CHD9: variants seen among roughly 807,000 people sequenced by gnomAD.
CHD9 encodes ATP-dependent chromatin remodeler CHD9.
CHD9 carries 77 observed loss-of-function variants against 316.1 expected under a neutral mutation model. The ratio of observed to expected loss-of-function variants is 0.24; its 90% confidence interval spans 0.20 to 0.29. The LOEUF is 0.29. Among genes scored for constraint, CHD9 ranks in the 10% least tolerant of loss-of-function variants. The pLI is 1.00. For synonymous variants in CHD9, 1,129 were observed against 1,158.3 expected (o/e 0.97, Z 0.51); for missense variants, 2,763 against 3,438.1 (o/e 0.80, Z 4.91).
At chr16:53,195,030 T>C (rs1171405055) in intron 2 of CHD9, among the ~76,000 whole-genome samples, 1 of 152,244 alleles carries the variant, frequency 6.6e-6, no homozygotes, top group African/African-American at 2.4e-5. Context: ...CAAAATGTTC[T>C]TCAGTTTGAG....
At chr16:53,078,097 T>A (rs28837500) in intron 1 of CHD9, among the ~76,000 whole-genome samples, 6,935 of 151,984 alleles carry the variant, frequency 0.046, 169 homozygotes, top group African/African-American at 0.07. Flanking sequence ...GAGAAAAAAA[T>A]ATATATATAC....
chr16:53,116,662 G>T (rs1033883292), intron 1 of CHD9, among the ~76,000 whole-genome samples: 1 of 152,208 alleles, frequency 6.6e-6, no homozygotes, highest in Non-Finnish European at 1.5e-5. Flanking sequence ...GGAAGAGGAT[G>T]TGGTGATTCC....
chr16:53,074,138 T>G (rs1017236446), intron 1 of CHD9, among the ~76,000 whole-genome samples: 2 of 152,194 alleles, frequency 1.3e-5, no homozygotes, highest in Admixed American at 1.3e-4. Context: ...GTGACTCTTC[T>G]TTATGTTTTA....
chr16:53,278,529 G>A (rs531433745), intron 24 of CHD9, among the ~76,000 whole-genome samples: 1 of 152,172 alleles, frequency 6.6e-6, no homozygotes, highest in Non-Finnish European at 1.5e-5. Context: ...TCAACAAATG[G>A]TGCTGGGATA....
chr16:53,221,798 T>A (rs1055178231), intron 3 of CHD9, among the ~76,000 whole-genome samples: 2 of 152,146 alleles, frequency 1.3e-5, no homozygotes, highest in Non-Finnish European at 2.9e-5. Flanking sequence ...AACAACAAAT[T>A]GTTAAAGTGC....
intron 1 of CHD9, among the ~76,000 whole-genome samples, chr16:53,069,334 C>T (rs767324750): frequency 6.6e-6 from 1 of 152,250 alleles, no homozygotes; most frequent in Non-Finnish European, 1.5e-5. Flanking sequence ...GCATTAAGTG[C>T]GTTCACATTG....
At chr16:53,263,416 T>G (rs2051335551) in intron 20 of CHD9, among the ~76,000 whole-genome samples, 2 of 152,136 alleles carry the variant, frequency 1.3e-5, no homozygotes, top group Admixed American at 6.5e-5. Flanking sequence ...GTTTTCTTAG[T>G]GTCAGAACCC....
intron 2 of CHD9, among the ~76,000 whole-genome samples, chr16:53,206,805 CATT>C (rs1183195418): frequency 1.3e-5 from 2 of 152,214 alleles, no homozygotes; most frequent in Non-Finnish European, 2.9e-5. Flanking sequence ...GTATTTCTCT[CATT>C]AGCCAGCCCC....
chr16:53,072,200 C>G (rs1443751541), intron 1 of CHD9, among the ~76,000 whole-genome samples: 2 of 152,098 alleles, frequency 1.3e-5, no homozygotes, highest in Non-Finnish European at 2.9e-5. Flanking sequence ...GGGCCAACTT[C>G]CCGGCCACTT....
intron 2 of CHD9, 114 bp from the exon 3 acceptor site, chr16:53,209,368 A>G: frequency 4.0e-6 from 3 of 741,374 alleles, no homozygotes; most frequent in Non-Finnish European, 4.3e-6. Flanking sequence ...GCACTCACAT[A>G]TTTGCTAATG....
Position 53,314,686 on chromosome 16 carries a change from A to C in CHD9, c.7363-137A>C, listed in dbSNP as rs189324284. On this transcript the variant is annotated intron_variant, in intron 35 of 38. Transcript: ENST00000447540. ...ATCTTAGCACTGTCCAAGAGTGATA[A>C]AAATTTTAAGTTTAAAAGATTTAGC... 277 of 1,016,008 alleles carry C rather than the reference A, an allele frequency of 2.7e-4. No individual in the cohort carries two copies. The African/African-American group carries it at 3.9e-3, about 14-fold the overall frequency. 62.9% of individuals were successfully genotyped at this position (1,016,008 alleles called of 1,614,324 possible).
chr16:53,151,968 A>ATGTGTGTGTG (rs75657191), intron 1 of CHD9, among the ~76,000 whole-genome samples: 1 of 147,388 alleles, frequency 6.8e-6, no homozygotes, highest in South Asian at 2.2e-4. Context: ...CTTTCAGGGT[A>ATGTGTGTGTG]TGTGTGTGTG....
At chr16:53,105,822 CTT>C (rs200467105) in intron 1 of CHD9, among the ~76,000 whole-genome samples, 15 of 136,806 alleles carry the variant, frequency 1.1e-4, no homozygotes, top group African/African-American at 1.9e-4. Context: ...ATGATAAGAA[CTT>C]TTTTTTTTTT....
chr16:53,209,425 A>G, intron 2 of CHD9, 57 bp from the exon 3 acceptor site: 1 of 1,150,480 alleles, frequency 8.7e-7, no homozygotes, highest in Non-Finnish European at 1.2e-6. Flanking sequence ...GATATTTGTG[A>G]CAATTGTTTT....
At chr16:53,263,147 C>G in intron 20 of CHD9, 50 bp downstream of exon 20, 1 of 1,352,540 alleles carries the variant, frequency 7.4e-7, no homozygotes, top group Non-Finnish European at 1.0e-6. Flanking sequence ...GATACTTTGG[C>G]AATAGTATTG....
intron 2 of CHD9, among the ~76,000 whole-genome samples, chr16:53,188,828 G>T (rs2044254714): frequency 6.6e-6 from 1 of 151,498 alleles, no homozygotes; most frequent in South Asian, 2.1e-4. Flanking sequence ...CAGGTGATCT[G>T]CCCACCTCAG....
rs904787935 is a variant in CHD9, at chr16:53,227,005, C to A, written c.2044-391C>A. The A allele has an allele frequency of 1.1e-4, 23 of 209,808 alleles. No individual in the cohort carries two copies. In the South Asian group the frequency reaches 1.7e-3, roughly 15 times the overall value. 13.0% of individuals were successfully genotyped at this position (209,808 alleles called of 1,614,324 possible). On this transcript the variant is annotated intron_variant, in intron 5 of 38. Coordinates refer to ENST00000447540, the MANE Select transcript of CHD9 (RefSeq NM_001308319.2). ...CCCTCGTCTATGATTTTTTAAGTCCCCCTTATATGCATTATGACCCAACCA... is the reference window on the plus strand; with the variant it reads ...CCCTCGTCTATGATTTTTTAAGTCCACCTTATATGCATTATGACCCAACCA...
intron 2 of CHD9, among the ~76,000 whole-genome samples, chr16:53,171,871 C>G (rs796765117): frequency 1.3e-5 from 1 of 77,680 alleles, no homozygotes; most frequent in African/African-American, 4.9e-5. Flanking sequence ...GACACACACA[C>G]ACACACACAC....
At chr16:53,072,381 T>G (rs1343661948) in intron 1 of CHD9, among the ~76,000 whole-genome samples, 1 of 148,372 alleles carries the variant, frequency 6.7e-6, no homozygotes, top group Admixed American at 6.9e-5. Context: ...AAAATACATG[T>G]AAAATTTATC....
Sources: gnomAD v4.1 joint callset for allele counts (sites outside exome capture counted in the v4.1 genomes callset) on GRCh38, gnomAD v4.1.1 for gene constraint, MANE v1.5 for transcripts, NCBI Gene and HGNC (gene_info 2026-07-23, HGNC 2026-07-21) for gene names.